PLEKHD1: variants seen among roughly 807,000 people sequenced by gnomAD.
PLEKHD1 encodes pleckstrin homology and coiled-coil domain containing D1.
In PLEKHD1, 51 loss-of-function variants were observed where a neutral mutation model predicts 69.2. The observed-to-expected ratio is 0.74, with a 90% confidence interval of 0.59 to 0.93. The LOEUF is 0.93. PLEKHD1 is among the 40% of genes least tolerant of loss of function. The probability of loss-of-function intolerance (pLI) is 0.00; values close to 1 mark genes in which losing one functional copy is unlikely to be tolerated. For synonymous variants in PLEKHD1, 236 were observed against 244.7 expected (o/e 0.96, Z 0.33); for missense variants, 584 against 641.0 (o/e 0.91, Z 0.96).
chr14:69,473,808 G>A, the PLEKHD1 span, among the ~76,000 whole-genome samples: 1 of 152,156 alleles, frequency 6.6e-6, no homozygotes, highest in Non-Finnish European at 1.5e-5. Context: ...GACCTGGATT[G>A]CTTGCTTATG....
At chr14:69,506,064 G>A (rs1213286285) in intron 6 of PLEKHD1, among the ~76,000 whole-genome samples, 1 of 152,220 alleles carries the variant, frequency 6.6e-6, no homozygotes, top group Non-Finnish European at 1.5e-5. Flanking sequence ...CACAGTCAGA[G>A]TACAGACTCT....
intron 1 of PLEKHD1, among the ~76,000 whole-genome samples, chr14:69,487,375 A>G (rs918990811): frequency 6.6e-6 from 1 of 152,258 alleles, no homozygotes; most frequent in Admixed American, 6.5e-5. Context: ...GGCTCAGCTA[A>G]TTAGCAGCCA....
intron 6 of PLEKHD1, among the ~76,000 whole-genome samples, chr14:69,511,427 G>T (rs1010273918): frequency 2.0e-5 from 3 of 152,062 alleles, no homozygotes; most frequent in Non-Finnish European, 4.4e-5. Flanking sequence ...CAAAGTGCTG[G>T]GTTTACAGGC....
At chr14:69,501,392 C>G in intron 4 of PLEKHD1, 1 of 309,332 alleles carries the variant, frequency 3.2e-6, no homozygotes, top group East Asian at 6.9e-5. Flanking sequence ...CCAAAAACAC[C>G]GACCGTGTGC....
intron 2 of PLEKHD1, 33 bp from the exon 3 acceptor site, chr14:69,500,544 G>C (rs1882999958): frequency 1.3e-6 from 2 of 1,518,208 alleles, no homozygotes; most frequent in Admixed American, 2.2e-5. Flanking sequence ...CAGTTGGGTG[G>C]GGTGGGGGCT....
At chr14:69,516,734 A>T (rs1883392712) in intron 6 of PLEKHD1, among the ~76,000 whole-genome samples, 1 of 151,978 alleles carries the variant, frequency 6.6e-6, no homozygotes, top group African/African-American at 2.4e-5. Context: ...CAATGACACG[A>T]TCTCAGCTCA....
At chr14:69,508,925 G>T (rs1026801909) in intron 6 of PLEKHD1, among the ~76,000 whole-genome samples, 1 of 152,202 alleles carries the variant, frequency 6.6e-6, no homozygotes, top group Non-Finnish European at 1.5e-5. Flanking sequence ...TTTGGTGGCA[G>T]GTGTGTAAGT....
rs542461101 is a variant in PLEKHD1 at position 69,526,001 on chromosome 14, C to A, written c.802C>A (p.Leu268Met). Residue 268 changes from leucine to methionine, a missense_variant, in exon 9 of 13, where the codon CTG becomes ATG. Coordinates refer to ENST00000322564, the MANE Select transcript of PLEKHD1 (RefSeq NM_001161498.2). ...AATGCTGGAGGAGAACGAGAACCACCTGCAGACACTGGCCAATCAGAGTGA... is the reference window on the plus strand; with the variant it reads ...AATGCTGGAGGAGAACGAGAACCACATGCAGACACTGGCCAATCAGAGTGA... ...LEMLEENENHLQTLANQSEQP... is the reference protein window; with the variant it reads ...LEMLEENENHMQTLANQSEQP... 1 of 1,551,674 alleles carries A rather than the reference C, an allele frequency of 6.4e-7. No individual in the cohort carries two copies. The highest frequency in any genetic ancestry group is 1.4e-5 in the African/African-American group (1 of 73,160).
intron 5 of PLEKHD1, chr14:69,502,069 A>C: frequency 2.4e-6 from 1 of 412,718 alleles, no homozygotes; most frequent in Non-Finnish European, 4.4e-6. Flanking sequence ...ATCATTTGTC[A>C]CCCATCTCAG....
chr14:69,525,744 A>G (rs1883630440), intron 8 of PLEKHD1, among the ~76,000 whole-genome samples, 200 bp from the exon 9 acceptor site: 1 of 151,906 alleles, frequency 6.6e-6, no homozygotes, highest in Non-Finnish European at 1.5e-5. Flanking sequence ...TTCCTTTATG[A>G]CTCTTGATGG....
At chr14:69,524,549 C>G (rs1883596619) in intron 8 of PLEKHD1, among the ~76,000 whole-genome samples, 1 of 152,132 alleles carries the variant, frequency 6.6e-6, no homozygotes, top group African/African-American at 2.4e-5. Context: ...AGGACAAATT[C>G]AGGCTTGTCC....
At chr14:69,523,624 G>C (rs1172440477) in intron 7 of PLEKHD1, among the ~76,000 whole-genome samples, 1 of 152,178 alleles carries the variant, frequency 6.6e-6, no homozygotes, top group Non-Finnish European at 1.5e-5. Flanking sequence ...TCAGGTGCTA[G>C]AAGGCATGGT....
chr14:69,530,964 A>G lies in PLEKHD1; in HGVS notation c.*2545A>G, dbSNP rs1311781452. ...TGGCGAAACCCCACCTGTACTAAAA[A>G]TACAAAAATTAGCTGGGCGTGGTGG... On this transcript the variant is annotated 3_prime_UTR_variant, in exon 13 of 13. Transcript: ENST00000322564. The G allele has an allele frequency of 6.6e-6, 1 of 152,206 alleles. No individual in the cohort carries two copies. The highest frequency in any genetic ancestry group is 6.5e-5 in the Admixed American group (1 of 15,280). 9.4% of individuals were successfully genotyped at this position (152,206 alleles called of 1,614,324 possible).
the PLEKHD1 span, among the ~76,000 whole-genome samples, chr14:69,468,961 A>C: frequency 6.6e-6 from 1 of 152,272 alleles, no homozygotes; most frequent in African/African-American, 2.4e-5. Context: ...ACTTAGGAAG[A>C]GAAATTTTAT....
chr14:69,484,883 G>A lies in PLEKHD1; in HGVS notation c.-83G>A. 6.8e-7 allele frequency: 1 copy of A among 1,474,832 alleles called. No homozygotes were observed. The highest frequency in any genetic ancestry group is 1.3e-5 in the South Asian group (1 of 76,934). 91.4% of individuals were successfully genotyped at this position (1,474,832 alleles called of 1,614,324 possible). ...CTGCTCGCTGGGACGCTCTCCGACG[G>A]CTCCGCCCTCGCCTCTCGCCCCGAG... On this transcript the variant is annotated 5_prime_UTR_variant, in exon 1 of 13. Transcript: ENST00000322564.
the PLEKHD1 span, among the ~76,000 whole-genome samples, chr14:69,477,900 A>T: frequency 6.6e-6 from 1 of 152,140 alleles, no homozygotes; most frequent in Non-Finnish European, 1.5e-5. Context: ...TGGATCTACC[A>T]TTCTGGGGTC....
intron 6 of PLEKHD1, among the ~76,000 whole-genome samples, chr14:69,518,870 G>A (rs2139524458): frequency 6.6e-6 from 1 of 152,306 alleles, no homozygotes; most frequent in East Asian, 1.9e-4. Context: ...AGGTGTGCTT[G>A]AGCAGCCCAG....
the PLEKHD1 span, among the ~76,000 whole-genome samples, chr14:69,468,545 CT>C: frequency 3.2e-5 from 2 of 62,426 alleles, no homozygotes; most frequent in East Asian, 2.9e-4. Flanking sequence ...TCCTTCCTTC[CT>C]TTCTTTCTTT....
the PLEKHD1 span, among the ~76,000 whole-genome samples, chr14:69,473,622 A>G: frequency 6.6e-6 from 1 of 152,174 alleles, no homozygotes; most frequent in African/African-American, 2.4e-5. Flanking sequence ...TTTTGTTACC[A>G]TGTTAGCCAC....
Sources: allele counts gnomAD v4.1 joint callset (sites outside exome capture counted in the v4.1 genomes callset), GRCh38; gene constraint gnomAD v4.1.1; transcripts MANE v1.5; gene names NCBI Gene and HGNC (gene_info 2026-07-23, HGNC 2026-07-21).